DCAF8L2: variants seen among roughly 807,000 people sequenced by gnomAD.
DCAF8L2 encodes DDB1- and CUL4-associated factor 8-like protein 2.
For synonymous variants in DCAF8L2, 200 were observed against 190.9 expected, an observed-to-expected ratio of 1.05 and a Z score of -0.39; for missense variants, 430 against 490.7, an observed-to-expected ratio of 0.88 and a Z score of 1.17.
At position 27,747,502 on chromosome X, in the gene DCAF8L2, C is replaced by G. The variant is rs1186460612; in HGVS notation, c.607C>G (p.Arg203Gly). The change falls in exon 5 of 5, where the codon CGC (arginine) becomes GGC (glycine). Residue 203 changes from arginine to glycine, a missense_variant. By Grantham distance (125) the Arg-to-Gly change is moderately radical. Transcript: ENST00000451261. ...CCAGCGGCAGCTGGGTTCACGTCCCCGCTTTGTATATGAGGCCTGTGGGGC... is the reference window on the plus strand; with the variant it reads ...CCAGCGGCAGCTGGGTTCACGTCCCGGCTTTGTATATGAGGCCTGTGGGGC... ...LHQRQLGSRPRFVYEACGARA... is the reference protein window; with the variant it reads ...LHQRQLGSRPGFVYEACGARA... 6.8e-6 allele frequency: 8 copies of G among 1,176,005 alleles called. No homozygotes were observed. In the Admixed American group the frequency reaches 2.0e-4, roughly 29 times the overall value.
chrX:27,587,852 C>G (rs1323592874), upstream of DCAF8L2, among the ~76,000 whole-genome samples: 1 of 108,941 alleles, frequency 9.2e-6, no homozygotes, highest in Non-Finnish European at 1.9e-5. Flanking sequence ...ACCCCTCTCC[C>G]CATTCATCCA....
chrX:27,581,828 C>T, the DCAF8L2 span, among the ~76,000 whole-genome samples: 1 of 112,036 alleles, frequency 8.9e-6, no homozygotes, highest in South Asian at 3.7e-4. Context: ...AAGTGATCCG[C>T]CCACCTCGGC....
intron 2 of DCAF8L2, among the ~76,000 whole-genome samples, chrX:27,665,599 G>A (rs988553216): frequency 1.5e-4 from 17 of 111,660 alleles, no homozygotes; most frequent in African/African-American, 4.6e-4. Flanking sequence ...CTATCAAACA[G>A]CATCACATGC....
the DCAF8L2 span, among the ~76,000 whole-genome samples, chrX:27,562,586 G>C: frequency 7.1e-5 from 8 of 112,182 alleles, no homozygotes; most frequent in African/African-American, 2.6e-4. Context: ...TGTTAAAGGA[G>C]GTGGAAAGAG....
intron 2 of DCAF8L2, among the ~76,000 whole-genome samples, chrX:27,641,289 A>G (rs1027627081): frequency 1.8e-5 from 2 of 111,202 alleles, no homozygotes; most frequent in Non-Finnish European, 3.8e-5. Context: ...CACTTCTTGT[A>G]TATTGAAATA....
intron 4 of DCAF8L2, among the ~76,000 whole-genome samples, chrX:27,735,564 T>A (rs1160746712): frequency 2.7e-5 from 3 of 112,443 alleles, no homozygotes; most frequent in Admixed American, 9.5e-5. Flanking sequence ...TTTAAATGTG[T>A]CATCAACTTT....
chrX:27,723,146 C>T (rs1175015627), intron 4 of DCAF8L2, among the ~76,000 whole-genome samples: 2 of 109,007 alleles, frequency 1.8e-5, no homozygotes, highest in African/African-American at 6.6e-5. Context: ...GAAGACTGAA[C>T]AATATAAAGA....
In DCAF8L2 at chrX:27,704,849, T is replaced by C. The variant is rs1459703757; in HGVS notation, c.-142-11239T>C. On this transcript the variant is annotated intron_variant, in intron 3 of 4. Coordinates refer to ENST00000451261, the MANE Select transcript of DCAF8L2 (RefSeq NM_001353450.2). ...TTTTTATTTCAGGTTCAGGGGTAGA[T>C]ATGCATGTTTGTTATATAGGGAAAC... Among the ~76,000 whole-genome samples, 3 of 110,951 alleles carry C rather than the reference T, an allele frequency of 2.7e-5. No individual in the cohort carries two copies. In the South Asian group the frequency reaches 1.2e-3, roughly 43 times the overall value.
the DCAF8L2 span, among the ~76,000 whole-genome samples, chrX:27,557,742 A>G: frequency 1.0e-5 from 1 of 98,429 alleles, no homozygotes. Flanking sequence ...AGCTGAGGGC[A>G]ACCCTGTATG....
chrX:27,587,985 A>AAAAAAATAT, upstream of DCAF8L2, among the ~76,000 whole-genome samples: 6 of 22,360 alleles, frequency 2.7e-4, no homozygotes, highest in African/African-American at 5.9e-4. Context: ...TAAAAAAAAA[A>AAAAAAATAT]ATATATATAT....
At chrX:27,676,001 C>G (rs1264874101) in intron 2 of DCAF8L2, among the ~76,000 whole-genome samples, 3 of 112,074 alleles carry the variant, frequency 2.7e-5, no homozygotes, top group African/African-American at 9.7e-5. Context: ...GTTTAATTTG[C>G]ATAACTAAAT....
intron 3 of DCAF8L2, among the ~76,000 whole-genome samples, chrX:27,715,710 C>A (rs943285717): frequency 3.6e-5 from 4 of 110,794 alleles, no homozygotes; most frequent in African/African-American, 1.3e-4. Flanking sequence ...ATAAAGTGGC[C>A]CAGGAAAAGA....
the DCAF8L2 span, among the ~76,000 whole-genome samples, chrX:27,497,857 G>A: frequency 1.1e-3 from 126 of 112,108 alleles, 1 homozygote; most frequent in Admixed American, 2.5e-3. Flanking sequence ...GTGAGCCACC[G>A]CACTCGGCCT....
chrX:27,711,816 C>T (rs1449307406), intron 3 of DCAF8L2, among the ~76,000 whole-genome samples: 1 of 110,341 alleles, frequency 9.1e-6, no homozygotes, highest in Non-Finnish European at 1.9e-5. Context: ...AACAAAGAAG[C>T]CACCAGAAAC....
At chrX:27,493,120 G>T in the DCAF8L2 span, among the ~76,000 whole-genome samples, 1 of 110,429 alleles carries the variant, frequency 9.1e-6, no homozygotes, top group Non-Finnish European at 1.9e-5. Flanking sequence ...TATGCCCATA[G>T]TCCCATGTAC....
At chrX:27,557,290 C>A in the DCAF8L2 span, among the ~76,000 whole-genome samples, 1 of 111,821 alleles carries the variant, frequency 8.9e-6, no homozygotes, top group Non-Finnish European at 1.9e-5. Flanking sequence ...TAGTGTAGTC[C>A]TTTCTGACAC....
At chrX:27,643,710 C>T (rs1485145985) in intron 2 of DCAF8L2, among the ~76,000 whole-genome samples, 2 of 111,420 alleles carry the variant, frequency 1.8e-5, no homozygotes, top group Non-Finnish European at 3.8e-5. Flanking sequence ...TGTGACTTTC[C>T]ACACGGTTAT....
the DCAF8L2 span, among the ~76,000 whole-genome samples, chrX:27,571,019 T>C: frequency 8.9e-6 from 1 of 111,777 alleles, no homozygotes; most frequent in Non-Finnish European, 1.9e-5. Context: ...CTCCTACCTC[T>C]CTCTTATCCA....
intron 3 of DCAF8L2, among the ~76,000 whole-genome samples, chrX:27,689,714 A>G (rs73628822): frequency 0.015 from 1,664 of 112,568 alleles, 36 homozygotes; most frequent in African/African-American, 0.051. Context: ...TCATTCATTC[A>G]TACATTCAGC....
Sources: gnomAD v4.1 joint callset for allele counts (sites outside exome capture counted in the v4.1 genomes callset) on GRCh38, gnomAD v4.1.1 for gene constraint, MANE v1.5 for transcripts, NCBI Gene and HGNC (gene_info 2026-07-23, HGNC 2026-07-21) for gene names.